The following SETBP1 variants were observed in gnomAD, a reference collection of about 807,000 sequenced individuals.
SETBP1 encodes SET-binding protein.
A neutral mutation model predicts 101.0 loss-of-function variants in SETBP1; 9 were observed. The ratio of observed to expected loss-of-function variants is 0.09; its 90% confidence interval spans 0.05 to 0.16. The LOEUF is 0.16. Ranked by LOEUF, SETBP1 falls within the 10% of genes least tolerant of loss-of-function variation. The pLI is 1.00. For synonymous variants in SETBP1, 818 were observed against 788.5 expected, an observed-to-expected ratio of 1.04 and a Z score of -0.63; for missense variants, 1,858 against 2,033.8, an observed-to-expected ratio of 0.91 and a Z score of 1.66.
chr18:45,052,257 T>C (rs184628176), intron 5 of SETBP1, among the ~76,000 whole-genome samples: 1 of 152,314 alleles, frequency 6.6e-6, no homozygotes, highest in African/African-American at 2.4e-5. Context: ...TGAAGTGCCA[T>C]CAGAGAGATA....
chr18:44,774,491 C>T (rs900936004), intron 2 of SETBP1, among the ~76,000 whole-genome samples: 4 of 151,908 alleles, frequency 2.6e-5, no homozygotes, highest in South Asian at 2.1e-4. Context: ...GATCTTTATC[C>T]CTCCTAGCAT....
At chr18:44,970,452 T>G (rs1398022317) in intron 4 of SETBP1, among the ~76,000 whole-genome samples, 1 of 152,250 alleles carries the variant, frequency 6.6e-6, no homozygotes, top group East Asian at 1.9e-4. Context: ...ATTAATGTAT[T>G]GAACACCTAT....
chr18:44,763,968 A>G (rs2070712224), intron 2 of SETBP1, among the ~76,000 whole-genome samples: 1 of 152,186 alleles, frequency 6.6e-6, no homozygotes, highest in African/African-American at 2.4e-5. Context: ...CACATAGAAC[A>G]CCAAATGTTT....
chr18:44,738,123 C>T (rs1274708295), intron 2 of SETBP1, among the ~76,000 whole-genome samples: 2 of 152,232 alleles, frequency 1.3e-5, no homozygotes, highest in South Asian at 2.1e-4. Flanking sequence ...TTGTGACTTG[C>T]CCATATAAAC....
intron 4 of SETBP1, among the ~76,000 whole-genome samples, chr18:44,992,112 G>C (rs960886441): frequency 1.3e-5 from 2 of 152,088 alleles, no homozygotes; most frequent in Non-Finnish European, 2.9e-5. Flanking sequence ...TTGATTCTTG[G>C]AGAGAAATTT....
At chr18:44,904,333 C>T (rs930296136) in intron 3 of SETBP1, among the ~76,000 whole-genome samples, 1 of 152,288 alleles carries the variant, frequency 6.6e-6, no homozygotes, top group East Asian at 1.9e-4. Context: ...TTGCTCTATG[C>T]CTGGGAGTGA....
chr18:44,938,934 G>A (rs2071022668), intron 3 of SETBP1, among the ~76,000 whole-genome samples: 1 of 150,710 alleles, frequency 6.6e-6, no homozygotes, highest in Non-Finnish European at 1.5e-5. Flanking sequence ...CCTGCTTTCT[G>A]CTGCTTGGCT....
intron 4 of SETBP1, among the ~76,000 whole-genome samples, chr18:45,029,870 G>T (rs1159883674): frequency 2.0e-5 from 3 of 151,984 alleles, no homozygotes; most frequent in African/African-American, 7.3e-5. Context: ...TGTATCCTGA[G>T]ACTTTGCTGA....
In SETBP1 at chr18:44,983,350, T is replaced by C. The variant is rs79340748; in HGVS notation, c.4000+30010T>C. ...AGGGCTTGTGAAATGTTAGGTGCTA[T>C]TCTAAGTGTTTCGTATGCATAACTT... On this transcript the variant is annotated intron_variant, in intron 4 of 5. Coordinates refer to ENST00000649279, the MANE Select transcript of SETBP1 (RefSeq NM_015559.3). Among the ~76,000 whole-genome samples the C allele has an allele frequency of 1.6e-3, 237 of 152,332 alleles. 1 individual carries two copies. The highest frequency in any genetic ancestry group is 3.8e-3 in the African/African-American group (160 of 41,578).
At chr18:44,959,910 C>T (rs539749366) in intron 4 of SETBP1, among the ~76,000 whole-genome samples, 1 of 152,218 alleles carries the variant, frequency 6.6e-6, no homozygotes, top group South Asian at 2.1e-4. Context: ...ATGCATAGTG[C>T]AGTTTTTTTG....
chr18:44,686,800 G>C (rs1598989301), intron 1 of SETBP1, among the ~76,000 whole-genome samples: 2 of 152,166 alleles, frequency 1.3e-5, no homozygotes, highest in East Asian at 3.9e-4. Context: ...CTACCTTTCG[G>C]GGGTAATCAC....
intron 3 of SETBP1, among the ~76,000 whole-genome samples, chr18:44,929,414 G>A (rs1160658317): frequency 6.6e-6 from 1 of 152,168 alleles, no homozygotes; most frequent in Non-Finnish European, 1.5e-5. Context: ...TCTTGGCAAT[G>A]TGGGCTCTTT....
chr18:44,877,567 T>A (rs2069436593), intron 3 of SETBP1, among the ~76,000 whole-genome samples: 1 of 152,218 alleles, frequency 6.6e-6, no homozygotes, highest in South Asian at 2.1e-4. Context: ...TTCTCATAAT[T>A]CCTAAGGAAA....
chr18:44,914,364 G>C (rs962414379), intron 3 of SETBP1, among the ~76,000 whole-genome samples: 1 of 152,302 alleles, frequency 6.6e-6, no homozygotes. Context: ...AACACAGAAC[G>C]TACTTGAGCT....
chr18:44,878,701 C>T (rs1171178929), intron 3 of SETBP1, among the ~76,000 whole-genome samples: 4 of 152,136 alleles, frequency 2.6e-5, no homozygotes, highest in Non-Finnish European at 5.9e-5. Flanking sequence ...AGCAAGCTCA[C>T]TTTTTTAGTT....
rs574265169 is a variant in SETBP1 at position 44,931,068 on chromosome 18, G to A, written c.541-18813G>A. ...TTAGATCTTTCCTGCTTTCTCTTGT[G>A]GGCATTTAGTGCTATAAATTTCTCT... is the stretch of plus-strand genomic sequence containing the variant. On this transcript the variant is annotated intron_variant, in intron 3 of 5. Coordinates refer to ENST00000649279, the MANE Select transcript of SETBP1 (RefSeq NM_015559.3). Among the ~76,000 whole-genome samples, 8 of 152,228 alleles carry A rather than the reference G, an allele frequency of 5.3e-5. No individual in the cohort carries two copies. In the South Asian group the frequency reaches 1.7e-3, roughly 32 times the overall value.
chr18:44,885,616 C>T (rs966454386), intron 3 of SETBP1, among the ~76,000 whole-genome samples: 9 of 151,912 alleles, frequency 5.9e-5, no homozygotes, highest in African/African-American at 1.9e-4. Context: ...GGCATTGACT[C>T]CCATTTATTT....
intron 2 of SETBP1, among the ~76,000 whole-genome samples, chr18:44,711,085 G>A (rs776337814): frequency 4.4e-4 from 67 of 152,178 alleles, no homozygotes; most frequent in Non-Finnish European, 8.1e-4. Flanking sequence ...GTGAGCCCCC[G>A]CTGCTGGGGG....
intron 3 of SETBP1, among the ~76,000 whole-genome samples, chr18:44,894,298 T>C (rs1251701186): frequency 6.6e-6 from 1 of 152,136 alleles, no homozygotes; most frequent in Non-Finnish European, 1.5e-5. Flanking sequence ...CAGGAAGCGA[T>C]TGTAAATATA....
Sources: gnomAD v4.1 joint callset for allele counts (sites outside exome capture counted in the v4.1 genomes callset) on GRCh38, gnomAD v4.1.1 for gene constraint, MANE v1.5 for transcripts, NCBI Gene and HGNC (gene_info 2026-07-23, HGNC 2026-07-21) for gene names.